ANKRD30B: variants seen among roughly 807,000 people sequenced by gnomAD.
The protein encoded by ANKRD30B is ankyrin repeat domain 30B, also known as ankyrin repeat domain-containing protein 30B.
In ANKRD30B, 144 loss-of-function variants were observed where a neutral mutation model predicts 202.2. The observed-to-expected ratio is 0.71, with a 90% CI of 0.62 to 0.82. ANKRD30B has a LOEUF of 0.82. Ranked by LOEUF, ANKRD30B falls within the 40% of genes least tolerant of loss-of-function variation. The probability of loss-of-function intolerance (pLI) is 0.00; values close to 1 mark genes in which losing one functional copy is unlikely to be tolerated. For synonymous variants in ANKRD30B, 508 were observed against 561.3 expected, an observed-to-expected ratio of 0.91 and a Z score of 1.34; for missense variants, 1,487 against 1,669.1, an observed-to-expected ratio of 0.89 and a Z score of 1.90.
chr18:14,867,423 C>T, the ANKRD30B span, among the ~76,000 whole-genome samples: 1 of 151,932 alleles, frequency 6.6e-6, no homozygotes, highest in Non-Finnish European at 1.5e-5. Flanking sequence ...CCCTTCTCCT[C>T]TTCCTGGACT....
chr18:14,780,407 T>C (rs1174540340), intron 11 of ANKRD30B, among the ~76,000 whole-genome samples: 2 of 152,002 alleles, frequency 1.3e-5, no homozygotes, highest in African/African-American at 4.8e-5. Context: ...ATTGCACCAT[T>C]GCACTCCAGG....
chr18:14,846,122 G>A (rs1705986678), intron 39 of ANKRD30B, among the ~76,000 whole-genome samples: 2 of 150,540 alleles, frequency 1.3e-5, no homozygotes, highest in Non-Finnish European at 2.9e-5. Flanking sequence ...TTACTTGAGA[G>A]TCTTCTAATG....
At chr18:14,799,380 G>T in intron 22 of ANKRD30B, 85 bp downstream of exon 22, 1 of 1,263,354 alleles carries the variant, frequency 7.9e-7, no homozygotes, top group Non-Finnish European at 1.1e-6. Context: ...TCCCAATGTT[G>T]TTTTCTTTTC....
chr18:14,893,668 G>A, the ANKRD30B span, among the ~76,000 whole-genome samples: 4 of 150,866 alleles, frequency 2.7e-5, no homozygotes, highest in African/African-American at 9.7e-5. Context: ...CAGAAGCCAC[G>A]AAGTTGCTCA....
At position 14,760,613 on chromosome 18, in the gene ANKRD30B, A is replaced by G. The variant is rs1465836650; in HGVS notation, c.815A>G (p.Asn272Ser). 2.6e-6 allele frequency: 4 copies of G among 1,535,794 alleles called. No homozygotes were observed. Among genetic ancestry groups the G allele is most frequent in the Non-Finnish European group, 3.5e-6 (4 of 1,137,794 alleles). The change falls in exon 6 of 44, where the codon AAT becomes AGT. Residue 272 changes from asparagine (N) to serine (S), a missense_variant. Asn to Ser is a conservative substitution (Grantham distance 46). This residue lies in a region of ANKRD30B where 889 missense variants were observed against 841.4 expected (regional missense o/e 1.06). Coordinates refer to ENST00000690538, the MANE Select transcript of ANKRD30B (RefSeq NM_001367607.2). Reference sequence around the variant, plus strand: ...TTACCTAAAAATCCTCAAAATACCAATCCAGGTAAGACTTCGGATAGCAAA... The same window carrying G: ...TTACCTAAAAATCCTCAAAATACCAGTCCAGGTAAGACTTCGGATAGCAAA... ...RKLPKNPQNT[N>S]PEGTSTGTPD...
chr18:14,865,732 A>G, the ANKRD30B span, among the ~76,000 whole-genome samples: 1 of 151,424 alleles, frequency 6.6e-6, no homozygotes, highest in Non-Finnish European at 1.5e-5. Flanking sequence ...CTATCCCAAA[A>G]CTATTTTCCC....
At chr18:14,800,590 C>T (rs945812772) in intron 22 of ANKRD30B, among the ~76,000 whole-genome samples, 1 of 150,752 alleles carries the variant, frequency 6.6e-6, no homozygotes, top group Non-Finnish European at 1.5e-5. Flanking sequence ...TCCTAAAGTG[C>T]TGGGATTAGA....
intron 15 of ANKRD30B, among the ~76,000 whole-genome samples, chr18:14,788,188 T>C (rs562505369): frequency 2.7e-4 from 41 of 152,304 alleles, no homozygotes; most frequent in East Asian, 2.5e-3. Flanking sequence ...AGAAAATGTA[T>C]TGTATTTTGT....
chr18:14,837,616 T>C lies in ANKRD30B; in HGVS notation c.2928T>C (p.Asn976=), dbSNP rs557942653. Reference sequence around the variant, plus strand: ...ATGTCTGTGAATAACATTTTGTAGATAAGATGCCCACATCAGAATTAGGAA... The same window carrying C: ...ATGTCTGTGAATAACATTTTGTAGACAAGATGCCCACATCAGAATTAGGAA... ...IIERAPQDQT[N]KMPTSELGRK... is the part of the protein sequence containing the mutation. Residue 976 remains asparagine, a splice_region_variant and synonymous_variant, in exon 36 of 44, where the codon AAT becomes AAC. Coordinates refer to ENST00000690538, the MANE Select transcript of ANKRD30B (RefSeq NM_001367607.2). 2.0e-6 allele frequency: 3 copies of C among 1,528,958 alleles called. No individual in the cohort carries two copies. Among genetic ancestry groups the C allele is most frequent in the Non-Finnish European group, 2.6e-6 (3 of 1,137,694 alleles). 94.7% of individuals were successfully genotyped at this position (1,528,958 alleles called of 1,614,324 possible).
At chr18:14,800,518 G>A (rs963300820) in intron 22 of ANKRD30B, among the ~76,000 whole-genome samples, 2 of 150,924 alleles carry the variant, frequency 1.3e-5, no homozygotes, top group African/African-American at 4.9e-5. Flanking sequence ...TAGAAACGGG[G>A]TTTCACCATG....
intron 14 of ANKRD30B, 85 bp from the exon 15 acceptor site, chr18:14,786,954 T>G: frequency 7.5e-7 from 1 of 1,338,088 alleles, no homozygotes; most frequent in Non-Finnish European, 1.0e-6. Context: ...TACAGATTCG[T>G]GAATGAAAGT....
At chr18:14,809,539 C>CT (rs1969782521) in intron 26 of ANKRD30B, among the ~76,000 whole-genome samples, 1 of 150,690 alleles carries the variant, frequency 6.6e-6, no homozygotes, top group Non-Finnish European at 1.5e-5. Flanking sequence ...ACAGGCACCC[C>CT]CCATGCATCT....
Position 14,852,438 on chromosome 18 carries a change from T to G in ANKRD30B, c.4476+18T>G. The stretch of plus-strand genomic sequence containing the variant: ...AAAGAGAAGTAAGTATCAAAAAATA[T>G]AAATACTTTTCAAACTTCCTGAAAG... On this transcript the variant is annotated intron_variant, in intron 42 of 43. Coordinates refer to ENST00000690538, the MANE Select transcript of ANKRD30B (RefSeq NM_001367607.2). The G allele has an allele frequency of 6.6e-7, 1 of 1,509,986 alleles. No homozygotes were observed. The highest frequency in any genetic ancestry group is 8.8e-7 in the Non-Finnish European group (1 of 1,136,188). 93.5% of individuals were successfully genotyped at this position (1,509,986 alleles called of 1,614,324 possible).
Position 14,852,253 on chromosome 18 carries a change from G to C in ANKRD30B, c.4309G>C (p.Val1437Leu), listed in dbSNP as rs758305419. Residue 1437 changes from valine to leucine, a missense_variant, in exon 42 of 44, where the codon GTT (valine) becomes CTT (leucine). Physicochemically the swap from Val to Leu is conservative, Grantham distance 32. This residue lies in a region of ANKRD30B where 182 missense variants were observed against 216.0 expected (regional missense o/e 0.84). Transcript: ENST00000690538. ...AAATAGGTGGCTTCGACAGCAATTA[G>C]TTTATGCACATAAGAAAGTTAACAA... ...SKNRWLRQQL[V>L]YAHKKVNKSK... 2.6e-6 allele frequency: 4 copies of C among 1,556,808 alleles called. No homozygotes were observed. Among genetic ancestry groups the C allele is most frequent in the Non-Finnish European group, 3.5e-6 (4 of 1,149,824 alleles).
intron 37 of ANKRD30B, among the ~76,000 whole-genome samples, chr18:14,840,879 T>A (rs2143177417): frequency 6.6e-6 from 1 of 152,272 alleles, no homozygotes; most frequent in Non-Finnish European, 1.5e-5. Context: ...AATTATTAGT[T>A]TAAATTCAAC....
intron 24 of ANKRD30B, among the ~76,000 whole-genome samples, chr18:14,807,372 T>A (rs1401509824): frequency 1.3e-5 from 2 of 150,868 alleles, no homozygotes; most frequent in African/African-American, 4.9e-5. Context: ...GTATAACAAA[T>A]AGAATTAGTT....
chr18:14,872,341 A>G, the ANKRD30B span, among the ~76,000 whole-genome samples: 14 of 152,356 alleles, frequency 9.2e-5, no homozygotes, highest in Non-Finnish European at 1.9e-4. Context: ...AAACTGTGGC[A>G]AAGGAAACAG....
the ANKRD30B span, among the ~76,000 whole-genome samples, chr18:14,899,407 A>G: frequency 2.6e-5 from 4 of 152,306 alleles, no homozygotes; most frequent in East Asian, 5.8e-4. Context: ...GACAAAATCT[A>G]GTTTTGGGAT....
the ANKRD30B span, among the ~76,000 whole-genome samples, chr18:14,902,453 C>T: frequency 6.6e-6 from 1 of 152,082 alleles, no homozygotes; most frequent in Non-Finnish European, 1.5e-5. Context: ...CCTGAAATTC[C>T]TTATAAAAAA....
Sources: allele counts gnomAD v4.1 joint callset (sites outside exome capture counted in the v4.1 genomes callset), GRCh38; gene constraint gnomAD v4.1.1; regional missense constraint gnomAD v4.1.1; transcripts MANE v1.5; gene names NCBI Gene and HGNC (gene_info 2026-07-23, HGNC 2026-07-21).